NCAM2: variants seen among roughly 807,000 people sequenced by gnomAD.
NCAM2 encodes neural cell adhesion molecule 2.
Under a neutral mutation model 98.1 loss-of-function variants are expected in NCAM2, and 30 were observed. That is an observed-to-expected ratio of 0.31 (90% CI 0.23 to 0.41). NCAM2 has a LOEUF of 0.41. NCAM2 is among the 10% of genes least tolerant of loss of function. The probability of loss-of-function intolerance (pLI) is 1.00; values close to 1 mark genes in which losing one functional copy is unlikely to be tolerated. For missense variants in NCAM2, 867 were observed against 1,005.8 expected, an observed-to-expected ratio of 0.86 and a Z score of 1.87; for synonymous variants, 368 against 342.4, an observed-to-expected ratio of 1.07 and a Z score of -0.83.
At chr21:21,034,146 G>A (rs1240932075) in intron 1 of NCAM2, among the ~76,000 whole-genome samples, 1 of 151,990 alleles carries the variant, frequency 6.6e-6, no homozygotes. Context: ...CTGAGAATAG[G>A]TCAGTTTGTT....
intron 8 of NCAM2, among the ~76,000 whole-genome samples, chr21:21,372,534 A>G (rs2075942981): frequency 6.6e-6 from 1 of 151,804 alleles, no homozygotes; most frequent in African/African-American, 2.4e-5. Context: ...AATCAGAGCC[A>G]AGATATAAAT....
intron 1 of NCAM2, among the ~76,000 whole-genome samples, chr21:21,017,048 G>C (rs1444513326): frequency 2.0e-5 from 3 of 152,158 alleles, no homozygotes; most frequent in African/African-American, 7.2e-5. Context: ...CTTTTCAAGA[G>C]TATGTAGGAG....
chr21:21,470,249 A>G (rs1385137594), intron 14 of NCAM2, among the ~76,000 whole-genome samples: 2 of 152,124 alleles, frequency 1.3e-5, no homozygotes, highest in African/African-American at 2.4e-5. Context: ...TTAGACAGCC[A>G]TATATTTATG....
At chr21:21,200,622 AT>A (rs906903481) in intron 1 of NCAM2, among the ~76,000 whole-genome samples, 27 of 149,268 alleles carry the variant, frequency 1.8e-4, no homozygotes, top group East Asian at 3.9e-4. Flanking sequence ...GACTATAAAC[AT>A]TTTTTTTTTG....
intron 1 of NCAM2, among the ~76,000 whole-genome samples, chr21:21,090,090 C>T (rs568657523): frequency 1.2e-3 from 188 of 152,266 alleles, no homozygotes; most frequent in African/African-American, 4.5e-3. Context: ...TCGGCAGCAA[C>T]TGGACATTGA....
At position 21,543,280 on chromosome 21, in the gene NCAM2, T is replaced by G. The variant is rs556841389; in HGVS notation, c.*5323T>G. ...AGTATGGCTTACAGTATATCAAACT[T>G]GTCACACTTCACCATTTGTATATTA... is the stretch of plus-strand genomic sequence containing the variant. On this transcript the variant is annotated 3_prime_UTR_variant, in exon 18 of 18. Coordinates refer to ENST00000400546, the MANE Select transcript of NCAM2 (RefSeq NM_004540.5). The G allele has an allele frequency of 1.3e-5, 2 of 152,052 alleles. No individual in the cohort carries two copies. Among genetic ancestry groups the G allele is most frequent in the South Asian group, 4.1e-4 (2 of 4,830 alleles). 9.4% of individuals were successfully genotyped at this position (152,052 alleles called of 1,614,324 possible).
chr21:21,126,830 T>A (rs2066835923), intron 1 of NCAM2, among the ~76,000 whole-genome samples: 1 of 152,062 alleles, frequency 6.6e-6, no homozygotes, highest in African/African-American at 2.4e-5. Context: ...GAAACTGTCA[T>A]ACGTGTGTAT....
chr21:21,320,932 A>G (rs1305290925), intron 5 of NCAM2, among the ~76,000 whole-genome samples: 2 of 152,334 alleles, frequency 1.3e-5, no homozygotes, highest in Non-Finnish European at 2.9e-5. Flanking sequence ...CTAACTTCAT[A>G]TAATAAAATG....
Position 21,236,536 on chromosome 21 carries a change from TATAAC to T in NCAM2, c.56-44037_56-44033del, listed in dbSNP as rs531974386. Among the ~76,000 whole-genome samples the T allele has an allele frequency of 1.2e-3, 177 of 152,226 alleles. 2 individuals carry two copies. Among genetic ancestry groups the T allele is most frequent in the Middle Eastern group, 6.8e-3 (2 of 294 alleles). ...TGTATTTAATCAAATTTGTGCAAAT[TATAAC>T]ATAAAAGAGTAGCTTCTTTTAAAAT... On this transcript the variant is annotated intron_variant, in intron 1 of 17. Transcript: ENST00000400546.
At chr21:21,085,201 G>T (rs200036617) in intron 1 of NCAM2, among the ~76,000 whole-genome samples, 92 of 147,990 alleles carry the variant, frequency 6.2e-4, no homozygotes, top group African/African-American at 1.7e-3. Flanking sequence ...TCTAGTTGGG[G>T]TTTTTTTTTT....
chr21:21,198,612 A>T (rs1231055126), intron 1 of NCAM2, among the ~76,000 whole-genome samples: 1 of 152,142 alleles, frequency 6.6e-6, no homozygotes, highest in African/African-American at 2.4e-5. Flanking sequence ...TGTCCTCAAG[A>T]TTCACTTTCT....
At chr21:21,147,160 C>T (rs1170029700) in intron 1 of NCAM2, 1 of 961,436 alleles carries the variant, frequency 1.0e-6, no homozygotes, top group Non-Finnish European at 1.2e-6. Context: ...GCGCCCTGTC[C>T]CACACCGGAG....
At chr21:21,336,046 A>T (rs938074046) in intron 7 of NCAM2, among the ~76,000 whole-genome samples, 13 of 152,210 alleles carry the variant, frequency 8.5e-5, no homozygotes, top group Admixed American at 7.9e-4. Flanking sequence ...AAACATTGAC[A>T]TGTAACTATA....
intron 6 of NCAM2, among the ~76,000 whole-genome samples, chr21:21,326,461 G>T (rs1323832073): frequency 6.6e-6 from 1 of 152,128 alleles, no homozygotes; most frequent in East Asian, 1.9e-4. Context: ...TCAAATAACA[G>T]CTTACCAATT....
rs549616447 is a variant in NCAM2 at position 21,010,672 on chromosome 21, A to G, written c.55+12054A>G. Among the ~76,000 whole-genome samples, 274 of 152,180 alleles carry G rather than the reference A, an allele frequency of 1.8e-3. 1 individual carries two copies. The highest frequency in any genetic ancestry group is 3.4e-3 in the Non-Finnish European group (231 of 67,950). ...AGGACTTTGTGATTAGTCAAGTTTC[A>G]CTTGAGCTTTCCTGCTCAGCTGCCT... On this transcript the variant is annotated intron_variant, in intron 1 of 17. Transcript: ENST00000400546.
At chr21:21,324,613 T>TA (rs994635002) in intron 6 of NCAM2, 113 bp downstream of exon 6, 1,649 of 747,388 alleles carry the variant, frequency 2.2e-3, no homozygotes, top group South Asian at 3.0e-3. Context: ...TTAGTTTCAT[T>TA]AAAAAAAAAT....
At position 21,001,551 on chromosome 21, in the gene NCAM2, A is replaced by G. The variant is rs114239972; in HGVS notation, c.55+2933A>G. On this transcript the variant is annotated intron_variant, in intron 1 of 17. Coordinates refer to ENST00000400546, the MANE Select transcript of NCAM2 (RefSeq NM_004540.5). Reference sequence around the variant, plus strand: ...CTGCATTTGCTGTTTGGATCTTTGTATATTCAAATTTCCAAACTGTTGTAT... The same window carrying G: ...CTGCATTTGCTGTTTGGATCTTTGTGTATTCAAATTTCCAAACTGTTGTAT... Among the ~76,000 whole-genome samples, 1,219 of 152,294 alleles carry G rather than the reference A, an allele frequency of 8.0e-3. 14 individuals carry two copies. The highest frequency in any genetic ancestry group is 0.017 in the African/African-American group (724 of 41,562).
chr21:21,308,094 C>T (rs190714220), intron 5 of NCAM2, among the ~76,000 whole-genome samples: 31 of 145,210 alleles, frequency 2.1e-4, no homozygotes, highest in African/African-American at 7.7e-4. Context: ...CACGTACACA[C>T]ACTATGTATA....
At chr21:21,500,610 G>C (rs1987564961) in intron 15 of NCAM2, among the ~76,000 whole-genome samples, 1 of 151,474 alleles carries the variant, frequency 6.6e-6, no homozygotes, top group South Asian at 2.1e-4. Flanking sequence ...AATATATAAA[G>C]ATAAATATTT....
Sources: allele counts gnomAD v4.1 joint callset (sites outside exome capture counted in the v4.1 genomes callset), GRCh38; gene constraint gnomAD v4.1.1; transcripts MANE v1.5; gene names NCBI Gene and HGNC (gene_info 2026-07-23, HGNC 2026-07-21).